ATIC: variants seen among roughly 807,000 people sequenced by gnomAD.
ATIC encodes the protein bifunctional purine biosynthesis protein ATIC.
A neutral mutation model predicts 72.5 loss-of-function variants in ATIC; 64 were observed. The ratio of observed to expected loss-of-function variants is 0.88; its 90% CI spans 0.72 to 1.09. The LOEUF is 1.09. Among genes scored for constraint, ATIC ranks in the 50% least tolerant of loss-of-function variants. The probability of loss-of-function intolerance (pLI) is 0.00; values close to 1 mark genes in which losing one functional copy is unlikely to be tolerated. For missense variants in ATIC, 787 were observed against 732.4 expected, an observed-to-expected ratio of 1.07 and a Z score of -0.86; for synonymous variants, 281 against 267.1, an observed-to-expected ratio of 1.05 and a Z score of -0.51.
chr2:215,322,747 A>C (rs561223200), intron 4 of ATIC, among the ~76,000 whole-genome samples: 1 of 152,288 alleles, frequency 6.6e-6, no homozygotes, highest in African/African-American at 2.4e-5. Flanking sequence ...TTTATTTTGT[A>C]TGTGGCTGTC....
At chr2:215,314,468 G>T (rs1048753417) in intron 2 of ATIC, among the ~76,000 whole-genome samples, 2 of 152,054 alleles carry the variant, frequency 1.3e-5, no homozygotes, top group Non-Finnish European at 2.9e-5. Flanking sequence ...TAACTCGCTC[G>T]AGATTACACA....
At chr2:215,353,960 T>C (rs1202388879), downstream of ATIC, among the ~76,000 whole-genome samples, 1 of 152,214 alleles carries the variant, frequency 6.6e-6, no homozygotes, top group Admixed American at 6.5e-5. Context: ...AAACACTGTT[T>C]GGTTTTTTAT....
chr2:215,353,549 TTTG>T (rs370674352), downstream of ATIC, among the ~76,000 whole-genome samples: 840 of 152,186 alleles, frequency 5.5e-3, 6 homozygotes, highest in African/African-American at 0.019. Flanking sequence ...TGTCTAAGGT[TTTG>T]TTGTTGTTGT....
intron 7 of ATIC, among the ~76,000 whole-genome samples, chr2:215,327,559 A>C (rs931965337): frequency 2.6e-5 from 4 of 152,126 alleles, no homozygotes; most frequent in Non-Finnish European, 5.9e-5. Flanking sequence ...AGGGTTTTTA[A>C]ATGTGTGTCC....
At chr2:215,366,064 C>T in the ATIC span, among the ~76,000 whole-genome samples, 5 of 151,038 alleles carry the variant, frequency 3.3e-5, no homozygotes, top group Non-Finnish European at 5.9e-5. Flanking sequence ...GTGATCCACC[C>T]GCCTCAGCCT....
At chr2:215,359,635 T>G in the ATIC span, among the ~76,000 whole-genome samples, 1 of 152,202 alleles carries the variant, frequency 6.6e-6, no homozygotes, top group African/African-American at 2.4e-5. Flanking sequence ...TCATCTGAGC[T>G]TCATGCCCTG....
At chr2:215,361,528 C>G in the ATIC span, 1 of 1,507,138 alleles carries the variant, frequency 6.6e-7, no homozygotes, top group Non-Finnish European at 9.2e-7. Flanking sequence ...GAGAGACATG[C>G]TTGTTCCTCT....
At chr2:215,354,210 G>A (rs2053150546), downstream of ATIC, among the ~76,000 whole-genome samples, 1 of 151,748 alleles carries the variant, frequency 6.6e-6, no homozygotes, top group Non-Finnish European at 1.5e-5. Flanking sequence ...TGTATTTTTA[G>A]TAGAGATGAG....
chr2:215,314,527 T>C (rs189646461), intron 2 of ATIC, among the ~76,000 whole-genome samples: 21 of 152,186 alleles, frequency 1.4e-4, no homozygotes, highest in Admixed American at 1.3e-3. Context: ...AGATAGAGTT[T>C]CACTCTTGTT....
chr2:215,344,987 T>C, intron 13 of ATIC, 116 bp downstream of exon 13: 1 of 1,134,746 alleles, frequency 8.8e-7, no homozygotes. Context: ...CAAATGTTTG[T>C]CTTTTGTGTT....
chr2:215,337,647 G>A (rs936604560), intron 11 of ATIC, among the ~76,000 whole-genome samples: 2 of 152,172 alleles, frequency 1.3e-5, no homozygotes. Context: ...GATTACAGGC[G>A]TGAGCCACCG....
the ATIC span, chr2:215,361,713 G>A: frequency 9.2e-7 from 1 of 1,089,428 alleles, no homozygotes; most frequent in Admixed American, 1.7e-5. Flanking sequence ...GGGGACTCAT[G>A]ACAGCTGCTT....
intron 7 of ATIC, among the ~76,000 whole-genome samples, chr2:215,331,151 T>C (rs757936657): frequency 1.3e-5 from 2 of 152,176 alleles, no homozygotes; most frequent in African/African-American, 2.4e-5. Flanking sequence ...ATATTTTCTT[T>C]TATTGTATAC....
the ATIC span, among the ~76,000 whole-genome samples, chr2:215,368,412 A>G: frequency 6.6e-6 from 1 of 152,168 alleles, no homozygotes; most frequent in African/African-American, 2.4e-5. Flanking sequence ...GCTATTTAAT[A>G]CCACTCTGCC....
At chr2:215,326,462 G>T (rs1016459040) in intron 6 of ATIC, among the ~76,000 whole-genome samples, 1 of 151,932 alleles carries the variant, frequency 6.6e-6, no homozygotes, top group Non-Finnish European at 1.5e-5. Flanking sequence ...AAAATTAGCC[G>T]AGTGTGGTGT....
At chr2:215,355,035 T>G in the ATIC span, among the ~76,000 whole-genome samples, 1 of 152,098 alleles carries the variant, frequency 6.6e-6, no homozygotes, top group Non-Finnish European at 1.5e-5. Flanking sequence ...AACAGCTCCT[T>G]TCTCATTTTA....
Position 215,338,889 on chromosome 2 carries a change from T to C in ATIC, c.1209T>C (p.Val403=). ...TCGACAAGTCATTATTTAGCAATGTTGTTACCAAAAATAAAGATGTAAGTT... is the reference window on the plus strand; with the variant it reads ...TCGACAAGTCATTATTTAGCAATGTCGTTACCAAAAATAAAGATGTAAGTT... ...GVVDKSLFSN[V]VTKNKDLPES... Residue 403 remains valine, a synonymous_variant, in exon 12 of 16, where the codon GTT becomes GTC. Coordinates refer to ENST00000236959, the MANE Select transcript of ATIC (RefSeq NM_004044.7). 6.2e-7 allele frequency: 1 copy of C among 1,613,710 alleles called. No individual in the cohort carries two copies. The highest frequency in any genetic ancestry group is 8.5e-7 in the Non-Finnish European group (1 of 1,179,758).
At chr2:215,347,638 AGT>A (rs1289527465) in intron 14 of ATIC, 2 of 490,548 alleles carry the variant, frequency 4.1e-6, no homozygotes, top group East Asian at 9.6e-5. Flanking sequence ...AATCAACATA[AGT>A]GTCATTGAAG....
intron 13 of ATIC, among the ~76,000 whole-genome samples, chr2:215,346,307 G>C (rs1405581850): frequency 1.3e-5 from 2 of 152,016 alleles, no homozygotes; most frequent in Admixed American, 6.6e-5. Context: ...GACTGCAGGT[G>C]TGCGCCACTA....
Sources: gnomAD v4.1 joint callset for allele counts (sites outside exome capture counted in the v4.1 genomes callset) on GRCh38, gnomAD v4.1.1 for gene constraint, MANE v1.5 for transcripts, NCBI Gene and HGNC (gene_info 2026-07-23, HGNC 2026-07-21) for gene names.